Variants in HAAO observed in about 807,000 individuals in gnomAD.
The protein encoded by HAAO is 3-hydroxyanthranilate 3,4-dioxygenase.
HAAO carries 49 observed loss-of-function variants against 46.2 expected under a neutral mutation model. The ratio of observed to expected loss-of-function variants is 1.06; its 90% confidence interval spans 0.84 to 1.34. The LOEUF is 1.34. Ranked by LOEUF, HAAO falls within the 40% of genes most tolerant of loss-of-function variation. The probability of loss-of-function intolerance (pLI) is 0.00; values close to 1 mark genes in which losing one functional copy is unlikely to be tolerated. For synonymous variants in HAAO, 157 were observed against 145.2 expected (o/e 1.08, Z -0.58); for missense variants, 408 against 364.5 (o/e 1.12, Z -0.97).
intron 2 of HAAO, among the ~76,000 whole-genome samples, chr2:42,788,142 C>G (rs1672525217): frequency 6.6e-6 from 1 of 152,192 alleles, no homozygotes; most frequent in South Asian, 2.1e-4. Context: ...CACTTTGCCC[C>G]CGTCTGCGGG....
In HAAO at chr2:42,782,976, C is replaced by T. The variant is rs112144459; in HGVS notation, c.350+338G>A. On this transcript the variant is annotated intron_variant, in intron 4 of 9. Transcript: ENST00000294973. ...CTGTGTCACGGGCACACGTCCTCAA[C>T]CTTGGCAAAACAAACTTTTAAATTA... 4.6e-3 allele frequency: 1,971 copies of T among 428,210 alleles called. 37 individuals are homozygous for T. The highest frequency in any genetic ancestry group is 0.039 in the African/African-American group (1,789 of 45,724). 26.5% of individuals were successfully genotyped at this position (428,210 alleles called of 1,614,324 possible).
At position 42,792,513 on chromosome 2, in the gene HAAO, C is replaced by T. The variant is rs778987144; in HGVS notation, c.24G>A (p.Arg8=). 25 of 1,592,860 alleles carry T rather than the reference C, an allele frequency of 1.6e-5. No individual in the cohort carries two copies. Among genetic ancestry groups the T allele is most frequent in the Non-Finnish European group, 2.1e-5 (25 of 1,170,304 alleles). Residue 8 remains arginine (R), a synonymous_variant, in exon 1 of 10, where the codon AGG becomes AGA. Transcript: ENST00000294973. ...AGCCCCGGTTCTCCTTCACCCAGGC[C>T]CTCACTCCCAGGCGGCGCTCCATGA... The part of the protein sequence containing the change: MERRLGV[R]AWVKENRGSF...
At chr2:42,786,607 A>G (rs1426894498) in intron 2 of HAAO, among the ~76,000 whole-genome samples, 1 of 152,190 alleles carries the variant, frequency 6.6e-6, no homozygotes, top group East Asian at 1.9e-4. Context: ...TGGAGAGGTG[A>G]CATGATGTGC....
intron 4 of HAAO, among the ~76,000 whole-genome samples, chr2:42,775,246 GAAAAAAAAAAA>G (rs34025268): frequency 2.9e-5 from 2 of 69,178 alleles, no homozygotes; most frequent in East Asian, 8.6e-4. Flanking sequence ...GACTGTCATG[GAAAAAAAAAAA>G]AAAAAAAAAA....
intron 2 of HAAO, among the ~76,000 whole-genome samples, chr2:42,784,982 C>G (rs146977261): frequency 6.6e-6 from 1 of 152,340 alleles, no homozygotes; most frequent in Non-Finnish European, 1.5e-5. Flanking sequence ...GGAATGAGAC[C>G]TCAGTTCATC....
At chr2:42,779,513 G>A (rs755838950) in intron 4 of HAAO, among the ~76,000 whole-genome samples, 2 of 152,160 alleles carry the variant, frequency 1.3e-5, no homozygotes, top group Middle Eastern at 3.4e-3. Flanking sequence ...GTAGAGGCGG[G>A]GTTTCACCAT....
chr2:42,774,543 A>G (rs2104646648), intron 4 of HAAO, among the ~76,000 whole-genome samples: 1 of 152,256 alleles, frequency 6.6e-6, no homozygotes, highest in Admixed American at 6.5e-5. Context: ...TGCTTCCATG[A>G]CAATGGAAGG....
rs1573944257 is a variant in HAAO, at chr2:42,783,717, A to G, written c.243+67T>C. 3 of 1,353,656 alleles carry G rather than the reference A, an allele frequency of 2.2e-6. No homozygotes were observed. In the East Asian group the frequency reaches 7.3e-5, roughly 33 times the overall value. 83.9% of individuals were successfully genotyped at this position (1,353,656 alleles called of 1,614,324 possible). A position where few individuals can be genotyped will look rare whatever the true frequency, so the allele number is the denominator to read the frequency against. On this transcript the variant is annotated intron_variant, in intron 3 of 9. Transcript: ENST00000294973. The stretch of plus-strand genomic sequence containing the variant: ...CAAGACCTCAGCCAGGGCCAGGATG[A>G]GTGGACAGGGCGGATTCCAGCTGTG...
At chr2:42,783,895 C>T (rs1464839598) in intron 2 of HAAO, 28 bp from the exon 3 acceptor site, 3 of 1,591,638 alleles carry the variant, frequency 1.9e-6, no homozygotes, top group Non-Finnish European at 2.6e-6. Context: ...GGCTTGGACC[C>T]TCCGCACTTT....
In HAAO at chr2:42,780,864, G is replaced by A. The variant is rs1671937559; in HGVS notation, c.350+2450C>T. Reference sequence around the variant, plus strand: ...GGGTGGATTACGAGGTCAGGAGAGCGAGACCATCCTGGCTAACATGGTGAA... The same window carrying A: ...GGGTGGATTACGAGGTCAGGAGAGCAAGACCATCCTGGCTAACATGGTGAA... On this transcript the variant is annotated intron_variant, in intron 4 of 9. Transcript: ENST00000294973. Among the ~76,000 whole-genome samples, 3 of 145,448 alleles carry A rather than the reference G, an allele frequency of 2.1e-5. No homozygotes were observed. In the South Asian group the frequency reaches 6.6e-4, roughly 32 times the overall value.
At chr2:42,792,317 C>T (rs1573968505) in intron 1 of HAAO, 140 bp downstream of exon 1, 1 of 508,378 alleles carries the variant, frequency 2.0e-6, no homozygotes, top group Non-Finnish European at 3.5e-6. Flanking sequence ...CTGTCTCCAT[C>T]TTCCCCCAAG....
chr2:42,783,260 G>T, intron 4 of HAAO, 54 bp downstream of exon 4: 3 of 1,060,678 alleles, frequency 2.8e-6, no homozygotes, highest in Non-Finnish European at 4.3e-6. Context: ...GTTTGGAGCT[G>T]TGCTCCTCTG....
intron 7 of HAAO, 104 bp downstream of exon 7, chr2:42,769,609 G>C (rs527521449): frequency 3.2e-5 from 24 of 749,178 alleles, no homozygotes; most frequent in Non-Finnish European, 4.9e-5. Context: ...GTGTGTGAGT[G>C]TGTGTGTGAA....
chr2:42,771,668 C>T (rs1671133361), intron 4 of HAAO, among the ~76,000 whole-genome samples: 1 of 152,252 alleles, frequency 6.6e-6, no homozygotes. Flanking sequence ...TGAGGAGCAC[C>T]TGGCAGGCTG....
intron 4 of HAAO, among the ~76,000 whole-genome samples, chr2:42,778,746 C>A (rs942948872): frequency 3.3e-5 from 5 of 152,168 alleles, no homozygotes; most frequent in Non-Finnish European, 7.3e-5. Flanking sequence ...TAAAGCTCCT[C>A]AAGGCCCAGG....
At chr2:42,772,849 A>AT (rs1290767298) in intron 4 of HAAO, among the ~76,000 whole-genome samples, 4 of 149,320 alleles carry the variant, frequency 2.7e-5, no homozygotes, top group Admixed American at 1.4e-4. Flanking sequence ...GGAAACTTGA[A>AT]TTTTTTTTAG....
In HAAO at chr2:42,790,001, G is replaced by C. The variant is rs545938612; in HGVS notation, c.81-1394C>G. Reference sequence around the variant, plus strand: ...GGAGGCGCTGGGTCTGGGACCATTTGTACACACAGGGCACAGCAGCCTAGA... The same window carrying C: ...GGAGGCGCTGGGTCTGGGACCATTTCTACACACAGGGCACAGCAGCCTAGA... On this transcript the variant is annotated intron_variant, in intron 1 of 9. Transcript: ENST00000294973. 3.3e-5 allele frequency among the ~76,000 whole-genome samples: 5 copies of C among 152,298 alleles called. No individual in the cohort carries two copies. In the South Asian group the frequency reaches 1.0e-3, roughly 32 times the overall value.
chr2:42,771,220 T>A lies in HAAO; in HGVS notation c.351-638A>T, dbSNP rs564666251. The stretch of plus-strand genomic sequence containing the variant: ...GGTGAAACCCTGTCTCTACTAAAAA[T>A]AATAATAATAATAAATAAATACAAA... On this transcript the variant is annotated intron_variant, in intron 4 of 9. Coordinates refer to ENST00000294973, the MANE Select transcript of HAAO (RefSeq NM_012205.3). 5.3e-5 allele frequency among the ~76,000 whole-genome samples: 8 copies of A among 150,818 alleles called. No homozygotes were observed. In the East Asian group the frequency reaches 1.4e-3, roughly 26 times the overall value.
intron 2 of HAAO, 102 bp from the exon 3 acceptor site, chr2:42,783,969 C>T (rs1672208502): frequency 2.6e-6 from 4 of 1,532,368 alleles, no homozygotes; most frequent in Middle Eastern, 1.7e-4. Context: ...GAGAAACTTT[C>T]TGAAGGCCTT....
Sources: allele counts gnomAD v4.1 joint callset (sites outside exome capture counted in the v4.1 genomes callset), GRCh38; gene constraint gnomAD v4.1.1; transcripts MANE v1.5; gene names NCBI Gene and HGNC (gene_info 2026-07-23, HGNC 2026-07-21).